The following KIRREL3 variants were observed in gnomAD, a reference collection of about 807,000 sequenced individuals.
The protein encoded by KIRREL3 is kirre like nephrin family adhesion molecule 3.
Under a neutral mutation model 89.7 loss-of-function variants are expected in KIRREL3, and 36 were observed. The observed-to-expected ratio is 0.40, with a 90% CI of 0.31 to 0.53. KIRREL3 has a LOEUF of 0.53. Among genes scored for constraint, KIRREL3 ranks in the 20% least tolerant of loss-of-function variants. The pLI, the probability that KIRREL3 is intolerant of heterozygous loss-of-function variation, is 0.49. For synonymous variants in KIRREL3, 445 were observed against 441.4 expected, an observed-to-expected ratio of 1.01 and a Z score of -0.10; for missense variants, 864 against 1,056.6, an observed-to-expected ratio of 0.82 and a Z score of 2.53.
intron 1 of KIRREL3, among the ~76,000 whole-genome samples, chr11:126,693,398 G>A (rs1366045322): frequency 6.6e-6 from 1 of 152,156 alleles, no homozygotes; most frequent in African/African-American, 2.4e-5. Flanking sequence ...TCCAGCCTGG[G>A]TGACAGAGTG....
rs1950201861 is a variant in KIRREL3, at chr11:126,997,192, A to G, written c.55+3263T>C. ...AAATAGTTGTGGGTGAACTGAAATG[A>G]TAAAGAGGAAAAAATATAGCAAGTT... On this transcript the variant is annotated intron_variant, in intron 1 of 16. Coordinates refer to ENST00000525144, the MANE Select transcript of KIRREL3 (RefSeq NM_032531.4). The surrounding 1 kb of genome is among the most constrained non-coding windows in gnomAD (Gnocchi z 4.3). Among the ~76,000 whole-genome samples the G allele has an allele frequency of 6.6e-6, 1 of 152,220 alleles. No homozygotes were observed. The highest frequency in any genetic ancestry group is 2.1e-4 in the South Asian group (1 of 4,824).
At chr11:126,789,952 C>T (rs980471204) in intron 1 of KIRREL3, among the ~76,000 whole-genome samples, 2 of 152,270 alleles carry the variant, frequency 1.3e-5, no homozygotes, top group Middle Eastern at 3.4e-3. Flanking sequence ...ACACTATATC[C>T]GACTGCTAAC....
At chr11:126,884,145 A>G (rs533739060) in intron 1 of KIRREL3, among the ~76,000 whole-genome samples, 9 of 152,358 alleles carry the variant, frequency 5.9e-5, no homozygotes, top group Middle Eastern at 6.8e-3. Context: ...CGTGGTTCTC[A>G]GTGTGTATAA....
intron 1 of KIRREL3, among the ~76,000 whole-genome samples, chr11:126,945,250 G>T (rs189107465): frequency 6.6e-6 from 1 of 152,120 alleles, no homozygotes. Flanking sequence ...AAACCATTGC[G>T]ATCCTTCTCA....
chr11:126,453,865 A>G (rs1392174467), intron 7 of KIRREL3, among the ~76,000 whole-genome samples: 1 of 152,118 alleles, frequency 6.6e-6, no homozygotes, highest in Non-Finnish European at 1.5e-5. Context: ...GAGTCTCTGC[A>G]GGGCACCCTG....
chr11:126,581,743 T>A (rs1333643546), intron 1 of KIRREL3, among the ~76,000 whole-genome samples: 2 of 152,294 alleles, frequency 1.3e-5, no homozygotes, highest in East Asian at 3.9e-4. Context: ...GTAATCACCA[T>A]GTCCTGTAAT....
At chr11:126,728,105 G>A (rs1412231104) in intron 1 of KIRREL3, among the ~76,000 whole-genome samples, 1 of 152,160 alleles carries the variant, frequency 6.6e-6, no homozygotes, top group Non-Finnish European at 1.5e-5. Context: ...GAGGGGCTGG[G>A]TGCAGCAGGG....
rs520776 is a variant in KIRREL3, at chr11:126,566,267, A to G, written c.56-3355T>C. Among the ~76,000 whole-genome samples the G allele has an allele frequency of 0.78, 117,996 of 152,206 alleles. 46,570 individuals carry two copies. Among genetic ancestry groups the G allele is most frequent in the East Asian group, 0.97 (5,000 of 5,172 alleles). ...GGAACAAGGAAGGTTTAGGAATACCACCTGTGCAAGGAAAAATGGATTGGA... is the reference window on the plus strand; with the variant it reads ...GGAACAAGGAAGGTTTAGGAATACCGCCTGTGCAAGGAAAAATGGATTGGA... On this transcript the variant is annotated intron_variant, in intron 1 of 16. Transcript: ENST00000525144. The surrounding 1 kb of genome is among the most constrained non-coding windows in gnomAD (Gnocchi z 4.9).
chr11:126,863,785 A>AG (rs1328437226), intron 1 of KIRREL3, among the ~76,000 whole-genome samples: 3 of 152,188 alleles, frequency 2.0e-5, no homozygotes, highest in Non-Finnish European at 4.4e-5. Context: ...TTGGGTTTTC[A>AG]GGGGGGATTT....
intron 1 of KIRREL3, among the ~76,000 whole-genome samples, chr11:126,972,858 G>GA: frequency 1.3e-5 from 2 of 151,856 alleles, no homozygotes; most frequent in Admixed American, 6.6e-5. Flanking sequence ...GAATAAAAAG[G>GA]AAAAAAAGTC....
At chr11:126,922,117 G>GTCTA (rs1481125852) in intron 1 of KIRREL3, among the ~76,000 whole-genome samples, 25 of 122,656 alleles carry the variant, frequency 2.0e-4, no homozygotes, top group African/African-American at 4.2e-4. Flanking sequence ...CTATCTATCT[G>GTCTA]TCTGTCTATC....
At position 126,872,774 on chromosome 11, in the gene KIRREL3, G is replaced by T. The variant is rs1945150303; in HGVS notation, c.55+127681C>A. Among the ~76,000 whole-genome samples the T allele has an allele frequency of 6.6e-6, 1 of 152,186 alleles. No individual in the cohort carries two copies. On this transcript the variant is annotated intron_variant, in intron 1 of 16. Coordinates refer to ENST00000525144, the MANE Select transcript of KIRREL3 (RefSeq NM_032531.4). The surrounding 1 kb of genome is among the most constrained non-coding windows in gnomAD (Gnocchi z 4.2). ...TGAATATGAATGAGAAAGTAAATTAGATACTGATCAGCTCTCCATTTCCAT... is the reference window on the plus strand; with the variant it reads ...TGAATATGAATGAGAAAGTAAATTATATACTGATCAGCTCTCCATTTCCAT...
chr11:126,480,746 G>A (rs1323242710), intron 4 of KIRREL3, among the ~76,000 whole-genome samples: 1 of 152,254 alleles, frequency 6.6e-6, no homozygotes, highest in African/African-American at 2.4e-5. Context: ...AGGGCCCCAG[G>A]AAGCATGAGC....
In KIRREL3 at chr11:126,489,773, C is replaced by G. The variant is rs1307758311; in HGVS notation, c.434-16307G>C. On this transcript the variant is annotated intron_variant, in intron 4 of 16. Coordinates refer to ENST00000525144, the MANE Select transcript of KIRREL3 (RefSeq NM_032531.4). The surrounding 1 kb of genome is among the most constrained non-coding windows in gnomAD (Gnocchi z 5.5). ...TCACCTCTGTTCTTTTGCTGGCTCT[C>G]TCTGAGGCTTCCCTTTCAGCTTTGA... is the stretch of plus-strand genomic sequence containing the variant. Among the ~76,000 whole-genome samples the G allele has an allele frequency of 6.6e-6, 1 of 152,192 alleles. No individual in the cohort carries two copies. The highest frequency in any genetic ancestry group is 2.4e-5 in the African/African-American group (1 of 41,448).
intron 1 of KIRREL3, among the ~76,000 whole-genome samples, chr11:126,863,931 A>T (rs1592244447): frequency 6.6e-6 from 1 of 152,208 alleles, no homozygotes; most frequent in African/African-American, 2.4e-5. Flanking sequence ...GGGGCCAGGA[A>T]CAAGTTCTGT....
At position 126,843,457 on chromosome 11, in the gene KIRREL3, C is replaced by T. The variant is rs1032213412; in HGVS notation, c.55+156998G>A. 3.9e-5 allele frequency among the ~76,000 whole-genome samples: 6 copies of T among 152,126 alleles called. No homozygotes were observed. The highest frequency in any genetic ancestry group is 7.3e-5 in the Non-Finnish European group (5 of 68,028). On this transcript the variant is annotated intron_variant, in intron 1 of 16. Coordinates refer to ENST00000525144, the MANE Select transcript of KIRREL3 (RefSeq NM_032531.4). The surrounding 1 kb of genome is among the most constrained non-coding windows in gnomAD (Gnocchi z 4.6). ...TCCTACTGGGGAGAAACTCCATTCC[C>T]AAAGTCCTGCTTTCAATTGTGATCT...
chr11:126,763,695 C>T lies in KIRREL3; in HGVS notation c.56-200783G>A, dbSNP rs116600295. Among the ~76,000 whole-genome samples, 2,582 of 152,246 alleles carry T rather than the reference C, an allele frequency of 0.017. 75 individuals are homozygous for T. The highest frequency in any genetic ancestry group is 0.059 in the African/African-American group (2,432 of 41,526). ...CTGCATGACCTTCAATGAGTTCCCA[C>T]GCTTTTGAGCCTTTGTTTTCTCACT... On this transcript the variant is annotated intron_variant, in intron 1 of 16. Transcript: ENST00000525144. This position sits in a 1 kb window ranked among gnomAD's most constrained non-coding sequence, Gnocchi z 4.7.
chr11:126,891,003 T>C lies in KIRREL3; in HGVS notation c.55+109452A>G, dbSNP rs925109643. Among the ~76,000 whole-genome samples, 1 of 152,142 alleles carries C rather than the reference T, an allele frequency of 6.6e-6. No homozygotes were observed. Among genetic ancestry groups the C allele is most frequent in the Non-Finnish European group, 1.5e-5 (1 of 68,034 alleles). On this transcript the variant is annotated intron_variant, in intron 1 of 16. Coordinates refer to ENST00000525144, the MANE Select transcript of KIRREL3 (RefSeq NM_032531.4). This position sits in a 1 kb window ranked among gnomAD's most constrained non-coding sequence, Gnocchi z 5.1. ...ACTCTGCTGCCTTTATTTAATGAGG[T>C]TTATTGTTTGTGCTTAGTAATTTTC...
At chr11:126,968,360 GGAAGAAAA>G (rs763826640) in intron 1 of KIRREL3, among the ~76,000 whole-genome samples, 20 of 152,236 alleles carry the variant, frequency 1.3e-4, no homozygotes, top group East Asian at 5.8e-4. Flanking sequence ...AAAGAAAGGG[GGAAGAAAA>G]GAAGAAAAGA....
Sources: allele counts gnomAD v4.1 joint callset (sites outside exome capture counted in the v4.1 genomes callset), GRCh38; gene constraint gnomAD v4.1.1; non-coding constraint Gnocchi (gnomAD v3.1); transcripts MANE v1.5; gene names NCBI Gene and HGNC (gene_info 2026-07-23, HGNC 2026-07-21).